Variants in RFC5 observed in about 807,000 individuals in gnomAD.
The protein encoded by RFC5 is replication factor C subunit 5, also known as A1 36 kDa subunit.
Under a neutral mutation model 44.3 loss-of-function variants are expected in RFC5, and 26 were observed. The ratio of observed to expected loss-of-function variants is 0.59; its 90% CI spans 0.43 to 0.81. RFC5 has a LOEUF of 0.81. Ranked by LOEUF, RFC5 falls within the 40% of genes least tolerant of loss-of-function variation. RFC5 has a pLI of 0.00. For missense variants in RFC5, 328 were observed against 418.6 expected (o/e 0.78, Z 1.89); for synonymous variants, 155 against 155.2 (o/e 1.00, Z 0.01).
At chr12:118,035,362 A>G, downstream of RFC5, 1 of 1,577,478 alleles carries the variant, frequency 6.3e-7, no homozygotes, top group Non-Finnish European at 8.7e-7. Context: ...GCCTGGAGTG[A>G]TGGCTGCTCT....
At chr12:118,018,925 C>G in intron 1 of RFC5, 147 bp from the exon 2 acceptor site, 1 of 611,266 alleles carries the variant, frequency 1.6e-6, no homozygotes. Flanking sequence ...TCTTGAACTC[C>G]TGACCCCAAA....
At chr12:118,029,246 C>T (rs1042056950) in intron 9 of RFC5, among the ~76,000 whole-genome samples, 15 of 151,908 alleles carry the variant, frequency 9.9e-5, no homozygotes, top group African/African-American at 3.6e-4. Flanking sequence ...ACGGTGAAAC[C>T]GCATCTCTAC....
chr12:118,029,162 G>A (rs145496072), intron 9 of RFC5, among the ~76,000 whole-genome samples: 77 of 152,378 alleles, frequency 5.1e-4, no homozygotes, highest in African/African-American at 1.8e-3. Context: ...GCTGACGCCT[G>A]TAATCCCAAC....
In RFC5 at chr12:118,019,293, C is replaced by T. The variant is rs150703641; in HGVS notation, c.130+157C>T. Among the ~76,000 whole-genome samples the T allele has an allele frequency of 6.6e-6, 1 of 152,296 alleles. No homozygotes were observed. Among genetic ancestry groups the T allele is most frequent in the East Asian group, 1.9e-4 (1 of 5,182 alleles). On this transcript the variant is annotated intron_variant, in intron 2 of 10. Coordinates refer to ENST00000454402, the MANE Select transcript of RFC5 (RefSeq NM_007370.7). The surrounding 1 kb of genome is among the most constrained non-coding windows in gnomAD (Gnocchi z 4.2). The stretch of plus-strand genomic sequence containing the variant: ...TTCATTCATTTTCTTCAGGTTGCTA[C>T]AGTCCAGTGGGTAAGTCACAAACAT...
intron 10 of RFC5, among the ~76,000 whole-genome samples, chr12:118,030,162 C>T (rs181848148): frequency 6.6e-6 from 1 of 152,286 alleles, no homozygotes; most frequent in Non-Finnish European, 1.5e-5. Flanking sequence ...GGCATTTTGG[C>T]ATACTAAAGC....
chr12:118,026,040 G>T (rs555327717), intron 7 of RFC5, among the ~76,000 whole-genome samples: 14 of 151,782 alleles, frequency 9.2e-5, no homozygotes, highest in Middle Eastern at 6.8e-3. Context: ...ATGGGGTTTC[G>T]CCATGTTGGT....
chr12:118,025,663 A>AATCATT, intron 6 of RFC5, 84 bp from the exon 7 acceptor site: 1 of 793,976 alleles, frequency 1.3e-6, no homozygotes, highest in Non-Finnish European at 2.3e-6. Flanking sequence ...TTAAAGCCTT[A>AATCATT]ATCATTCCAG....
chr12:118,033,423 A>G (rs2031419224), downstream of RFC5: 1 of 152,602 alleles, frequency 6.6e-6, no homozygotes, highest in Admixed American at 6.5e-5. Flanking sequence ...ATACAAATAA[A>G]TATGATGCTA....
downstream of RFC5, chr12:118,034,246 G>A (rs12228444): frequency 3.3e-4 from 531 of 1,614,248 alleles, 8 homozygotes; most frequent in East Asian, 0.012. Context: ...GGGATTGGCA[G>A]TGCTAGGACT....
At chr12:118,034,049 A>C, downstream of RFC5, 2 of 1,081,394 alleles carry the variant, frequency 1.8e-6, no homozygotes, top group Non-Finnish European at 2.7e-6. Flanking sequence ...TGACTAGTAC[A>C]CTGGAATCTG....
intron 9 of RFC5, among the ~76,000 whole-genome samples, chr12:118,029,339 G>T (rs1314993938): frequency 1.3e-5 from 2 of 152,128 alleles, no homozygotes; most frequent in Non-Finnish European, 2.9e-5. Context: ...GATCCCTCAA[G>T]CCCAAGAGGT....
chr12:118,038,444 G>A, the RFC5 span: 1 of 1,534,062 alleles, frequency 6.5e-7, no homozygotes, highest in South Asian at 1.2e-5. Context: ...AGGAAGACTG[G>A]AGAACGGGAG....
chr12:118,028,626 TATTA>T (rs2031116951), intron 9 of RFC5, among the ~76,000 whole-genome samples: 2 of 150,668 alleles, frequency 1.3e-5, no homozygotes, highest in African/African-American at 4.9e-5. Flanking sequence ...AAGTAGTATA[TATTA>T]ATTCACATTT....
rs1333745405 is a variant in RFC5 at position 118,031,417 on chromosome 12, G to A, written c.*139G>A. The stretch of plus-strand genomic sequence containing the variant: ...TTGGAAAAACCCCCTTCCAGGAGAG[G>A]ATGGGCAGGCATTTAAAAAGTACCA... On this transcript the variant is annotated 3_prime_UTR_variant, in exon 11 of 11. Coordinates refer to ENST00000454402, the MANE Select transcript of RFC5 (RefSeq NM_007370.7). The A allele has an allele frequency of 5.6e-6, 3 of 535,124 alleles. No individual in the cohort carries two copies. The highest frequency in any genetic ancestry group is 1.0e-5 in the Non-Finnish European group (3 of 300,068). 33.1% of individuals were successfully genotyped at this position (535,124 alleles called of 1,614,324 possible). A position where few individuals can be genotyped will look rare whatever the true frequency, so the allele number is the denominator to read the frequency against.
At position 118,019,750 on chromosome 12, in the gene RFC5, T is replaced by A; in HGVS notation, c.249T>A (p.Phe83Leu). The change falls in exon 3 of 11, where the codon TTT becomes TTA. Residue 83 changes from phenylalanine to leucine, a missense_variant. Transcript: ENST00000454402. The surrounding 1 kb of genome is among the most constrained non-coding windows in gnomAD (Gnocchi z 4.2). Reference protein sequence around the residue: ...CAKQLYKDKEFGSMVLELNAS... With the variant: ...CAKQLYKDKELGSMVLELNAS... The stretch of plus-strand genomic sequence containing the variant: ...AACAGCTATATAAAGACAAAGAATT[T>A]GGCTCCATGGTCTTGGAGGTAAATA... 1 of 1,613,968 alleles carries A rather than the reference T, an allele frequency of 6.2e-7. No individual in the cohort carries two copies. The highest frequency in any genetic ancestry group is 8.5e-7 in the Non-Finnish European group (1 of 1,179,886).
Position 118,025,847 on chromosome 12 carries a change from CCTT to C in RFC5, c.663+20_663+22del, listed in dbSNP as rs1370337251. 1.5e-6 allele frequency: 2 copies of C among 1,338,552 alleles called. No individual in the cohort carries two copies. The highest frequency in any genetic ancestry group is 2.3e-5 in the East Asian group (1 of 43,390). The allele number at this position is 1,338,552 out of a possible 1,614,324, so 82.9% of individuals were successfully genotyped here. The stretch of plus-strand genomic sequence containing the variant: ...TTTGCAGGTATGGTCTCAAGCAAAT[CCTT>C]TTTTTTTTTTTTTTTTGAGACAGAG... On this transcript the variant is annotated intron_variant, in intron 7 of 10. Coordinates refer to ENST00000454402, the MANE Select transcript of RFC5 (RefSeq NM_007370.7).
Position 118,019,696 on chromosome 12 carries a change from C to A in RFC5, c.195C>A (p.Gly65=), listed in dbSNP as rs1236282237. The A allele has an allele frequency of 2.5e-6, 4 of 1,613,744 alleles. No individual in the cohort carries two copies. The highest frequency in any genetic ancestry group is 2.2e-5 in the East Asian group (1 of 44,880). ...HLLLYGPPGT[G]KTSTILACAK... ...TTCTCTACGGTCCCCCAGGGACAGG[C>A]AAGACATCTACCATCCTAGCCTGTG... Residue 65 remains glycine, a synonymous_variant, in exon 3 of 11, where the codon GGC becomes GGA. Transcript: ENST00000454402. This position sits in a 1 kb window ranked among gnomAD's most constrained non-coding sequence, Gnocchi z 4.2.
At chr12:118,021,227 T>A (rs1286243092) in intron 4 of RFC5, among the ~76,000 whole-genome samples, 1 of 152,100 alleles carries the variant, frequency 6.6e-6, no homozygotes, top group Non-Finnish European at 1.5e-5. Flanking sequence ...TCTTTTTTTT[T>A]TGGAGACAGG....
intron 9 of RFC5, 90 bp downstream of exon 9, chr12:118,028,120 G>A: frequency 2.5e-6 from 2 of 789,550 alleles, no homozygotes; most frequent in African/African-American, 1.7e-5. Context: ...CTTCATTCTT[G>A]AAGCAAAGAA....
Sources: gnomAD v4.1 joint callset for allele counts (sites outside exome capture counted in the v4.1 genomes callset) on GRCh38, gnomAD v4.1.1 for gene constraint, Gnocchi (gnomAD v3.1) non-coding constraint, MANE v1.5 for transcripts, NCBI Gene and HGNC (gene_info 2026-07-23, HGNC 2026-07-21) for gene names.